The following DACH1 variants were observed in gnomAD, a reference collection of about 807,000 sequenced individuals.
DACH1 encodes the protein dachshund family transcription factor 1, also known as dachshund homolog 1.
In DACH1, 12 loss-of-function variants were observed where a neutral mutation model predicts 54.2. The observed-to-expected ratio is 0.22, with a 90% CI of 0.14 to 0.36. The LOEUF (loss-of-function observed/expected upper bound fraction) is 0.36, where lower values mean the gene tolerates loss of function less well. Among genes scored for constraint, DACH1 ranks in the 10% least tolerant of loss-of-function variants. The pLI, the probability that DACH1 is intolerant of heterozygous loss-of-function variation, is 1.00. For missense variants in DACH1, 805 were observed against 929.8 expected (o/e 0.87, Z 1.75); for synonymous variants, 386 against 366.2 (o/e 1.05, Z -0.62).
chr13:71,675,080 A>G (rs990958345), intron 2 of DACH1: 11 of 1,530,256 alleles, frequency 7.2e-6, no homozygotes, highest in African/African-American at 2.7e-5. Flanking sequence ...CGTACAAAGC[A>G]GACTGCCCGC....
chr13:71,654,282 C>T (rs1238091157), intron 2 of DACH1, among the ~76,000 whole-genome samples: 1 of 150,976 alleles, frequency 6.6e-6, no homozygotes, highest in East Asian at 2.0e-4. Context: ...CCCAGCAACT[C>T]GGGAGGCTGA....
intron 3 of DACH1, among the ~76,000 whole-genome samples, chr13:71,601,261 G>A (rs545552906): frequency 5.3e-5 from 8 of 152,014 alleles, no homozygotes; most frequent in Non-Finnish European, 1.0e-4. Flanking sequence ...CAGGAATATG[G>A]CAAAATCTCC....
At chr13:71,648,039 A>G (rs956572043) in intron 2 of DACH1, among the ~76,000 whole-genome samples, 6 of 152,232 alleles carry the variant, frequency 3.9e-5, no homozygotes, top group African/African-American at 1.4e-4. Flanking sequence ...TAGAGTTACC[A>G]GGAACAGAAA....
At chr13:71,832,621 T>G (rs2138210988) in intron 1 of DACH1, among the ~76,000 whole-genome samples, 2 of 151,940 alleles carry the variant, frequency 1.3e-5, no homozygotes, top group Middle Eastern at 6.8e-3. Context: ...ATAGCTAGAG[T>G]TAGAACTACC....
intron 2 of DACH1, among the ~76,000 whole-genome samples, chr13:71,638,089 T>C (rs1877621064): frequency 6.6e-6 from 1 of 152,220 alleles, no homozygotes; most frequent in Admixed American, 6.6e-5. Context: ...AAACTTTCCA[T>C]ATGATAGACT....
intron 6 of DACH1, among the ~76,000 whole-genome samples, chr13:71,490,834 G>A (rs746693380): frequency 3.3e-5 from 5 of 152,242 alleles, no homozygotes; most frequent in South Asian, 2.1e-4. Flanking sequence ...AATATCTTTC[G>A]ATCATCATCA....
intron 1 of DACH1, among the ~76,000 whole-genome samples, chr13:71,863,341 A>G (rs1434534672): frequency 1.3e-5 from 2 of 152,074 alleles, no homozygotes; most frequent in East Asian, 3.9e-4. Flanking sequence ...CAAGTTAATG[A>G]CTACAATATT....
intron 3 of DACH1, among the ~76,000 whole-genome samples, chr13:71,615,347 G>C (rs534281538): frequency 2.0e-5 from 3 of 151,994 alleles, no homozygotes; most frequent in African/African-American, 7.2e-5. Context: ...ACTGTTCTTC[G>C]GTAAATCCCA....
In DACH1 at chr13:71,789,477, T is replaced by A. The variant is rs112524446; in HGVS notation, c.848+76445A>T. Among the ~76,000 whole-genome samples, 1,193 of 152,272 alleles carry A rather than the reference T, an allele frequency of 7.8e-3. 7 individuals carry two copies. Among genetic ancestry groups the A allele is most frequent in the African/African-American group, 0.027 (1,136 of 41,574 alleles). On this transcript the variant is annotated intron_variant, in intron 1 of 10. Coordinates refer to ENST00000613252, the MANE Select transcript of DACH1 (RefSeq NM_080759.6). ...AAGTATTATTTCTGAGTTTATCATA[T>A]GTGCATATAAGTCTATATATATAAT... is the stretch of plus-strand genomic sequence containing the variant.
intron 10 of DACH1, among the ~76,000 whole-genome samples, chr13:71,446,041 G>C (rs904136561): frequency 2.0e-5 from 3 of 152,208 alleles, no homozygotes; most frequent in Non-Finnish European, 2.9e-5. Flanking sequence ...GGGCCATGGA[G>C]AAGACTTTGC....
intron 1 of DACH1, among the ~76,000 whole-genome samples, chr13:71,818,858 C>A (rs1888071849): frequency 6.6e-6 from 1 of 152,158 alleles, no homozygotes. Flanking sequence ...TCCCAAAGCA[C>A]ATTTTCAGTT....
chr13:71,761,795 T>A (rs1885411782), intron 1 of DACH1, among the ~76,000 whole-genome samples: 1 of 152,158 alleles, frequency 6.6e-6, no homozygotes, highest in Non-Finnish European at 1.5e-5. Context: ...ATAATTTGTA[T>A]AATAAAATCA....
At chr13:71,807,026 A>G (rs535274295) in intron 1 of DACH1, among the ~76,000 whole-genome samples, 1 of 152,250 alleles carries the variant, frequency 6.6e-6, no homozygotes, top group East Asian at 1.9e-4. Flanking sequence ...CAGTGCTTCA[A>G]CTCCGGGGCA....
chr13:71,474,687 T>A (rs1340305481), intron 10 of DACH1, among the ~76,000 whole-genome samples: 1 of 152,186 alleles, frequency 6.6e-6, no homozygotes, highest in African/African-American at 2.4e-5. Flanking sequence ...CAGTCTTATT[T>A]ATTGTTAACA....
chr13:71,550,017 T>A (rs1883707742), intron 6 of DACH1, among the ~76,000 whole-genome samples: 1 of 152,194 alleles, frequency 6.6e-6, no homozygotes, highest in Admixed American at 6.6e-5. Flanking sequence ...CCTCCAAAAC[T>A]GTACACATTA....
intron 4 of DACH1, among the ~76,000 whole-genome samples, chr13:71,561,895 A>T (rs1333487704): frequency 6.6e-6 from 1 of 152,082 alleles, no homozygotes; most frequent in African/African-American, 2.4e-5. Flanking sequence ...TAACCAGAAA[A>T]AATAGCCAAG....
intron 3 of DACH1, among the ~76,000 whole-genome samples, chr13:71,622,204 T>C (rs10507793): frequency 0.046 from 6,938 of 152,098 alleles, 262 homozygotes; most frequent in Admixed American, 0.096. Flanking sequence ...TTGGGAATAT[T>C]TGTACAACTG....
At chr13:71,790,788 AT>A (rs1886799452) in intron 1 of DACH1, among the ~76,000 whole-genome samples, 2 of 152,152 alleles carry the variant, frequency 1.3e-5, no homozygotes, top group South Asian at 4.1e-4. Context: ...CTTTGCAATG[AT>A]TATTTTTATT....
At chr13:71,622,574 C>A (rs766799131) in intron 3 of DACH1, among the ~76,000 whole-genome samples, 1 of 151,710 alleles carries the variant, frequency 6.6e-6, no homozygotes, top group Admixed American at 6.6e-5. Context: ...TATGTGGTTT[C>A]TTTTTACTTT....
Sources: allele counts gnomAD v4.1 joint callset (sites outside exome capture counted in the v4.1 genomes callset), GRCh38; gene constraint gnomAD v4.1.1; transcripts MANE v1.5; gene names NCBI Gene and HGNC (gene_info 2026-07-23, HGNC 2026-07-21).